DOCK1: variants seen among roughly 807,000 people sequenced by gnomAD.
DOCK1 encodes the protein dedicator of cytokinesis protein 1.
A neutral mutation model predicts 262.7 loss-of-function variants in DOCK1; 138 were observed. That is an observed-to-expected ratio of 0.53 (90% CI 0.46 to 0.61). DOCK1 has a LOEUF of 0.61. Among genes scored for constraint, DOCK1 ranks in the 20% least tolerant of loss-of-function variants. The probability of loss-of-function intolerance (pLI) is 0.00; values close to 1 mark genes in which losing one functional copy is unlikely to be tolerated. For missense variants in DOCK1, 1,908 were observed against 2,370.7 expected, an observed-to-expected ratio of 0.80 and a Z score of 4.05; for synonymous variants, 866 against 867.4, an observed-to-expected ratio of 1.00 and a Z score of 0.03.
intron 27 of DOCK1, among the ~76,000 whole-genome samples, chr10:127,141,529 C>G (rs1229508367): frequency 6.6e-6 from 1 of 152,064 alleles, no homozygotes; most frequent in Non-Finnish European, 1.5e-5. Context: ...ATGGTGAAAC[C>G]CCATCTGTAC....
At chr10:127,387,794 T>C (rs2066214295) in intron 38 of DOCK1, among the ~76,000 whole-genome samples, 1 of 151,644 alleles carries the variant, frequency 6.6e-6, no homozygotes, top group Non-Finnish European at 1.5e-5. Flanking sequence ...TCCTGACAGA[T>C]GAGAAATGCT....
chr10:126,905,523 G>T lies in DOCK1; in HGVS notation c.6G>T (p.Thr2=). Residue 2 remains threonine (T), a synonymous_variant, in exon 1 of 52, where the codon ACG becomes ACT. Coordinates refer to ENST00000623213, the MANE Select transcript of DOCK1 (RefSeq NM_001290223.2). M[T]RWVPTKREEK... is the part of the protein sequence containing the mutation. ...GCGGCGGCTCCGGCGGCGCCATGACGCGCTGGGTGCCCACCAAGCGCGAGG... is the reference window on the plus strand; with the variant it reads ...GCGGCGGCTCCGGCGGCGCCATGACTCGCTGGGTGCCCACCAAGCGCGAGG... 1 of 529,274 alleles carries T rather than the reference G, an allele frequency of 1.9e-6. No homozygotes were observed. Among genetic ancestry groups the T allele is most frequent in the Admixed American group, 3.0e-5 (1 of 33,592 alleles). The allele number at this position is 529,274 out of a possible 1,614,324, so 32.8% of individuals were successfully genotyped here.
In DOCK1 at chr10:127,399,209, G is replaced by A. The variant is rs1040739397; in HGVS notation, c.3928-3846G>A. On this transcript the variant is annotated intron_variant, in intron 38 of 51. Transcript: ENST00000623213. The stretch of plus-strand genomic sequence containing the variant: ...AAATAAAGCTTTCTGCTGATATGGG[G>A]CTTTTTCATTTGGGGCTGTGGCAAA... Among the ~76,000 whole-genome samples the A allele has an allele frequency of 9.2e-5, 14 of 152,170 alleles. No individual in the cohort carries two copies. In the East Asian group the frequency reaches 2.7e-3, roughly 29 times the overall value.
Position 127,211,392 on chromosome 10 carries a change from C to G in DOCK1, c.2848-36616C>G, listed in dbSNP as rs370979682. 9.0e-4 allele frequency among the ~76,000 whole-genome samples: 137 copies of G among 152,302 alleles called. No homozygotes were observed. In the South Asian group the frequency reaches 0.012, roughly 14 times the overall value. ...TCCTAATACCCCTGATAAGCATGCTCCTAATTCATCTACTGCCCTTAGCAA... is the reference window on the plus strand; with the variant it reads ...TCCTAATACCCCTGATAAGCATGCTGCTAATTCATCTACTGCCCTTAGCAA... On this transcript the variant is annotated intron_variant, in intron 27 of 51. Transcript: ENST00000623213.
intron 27 of DOCK1, among the ~76,000 whole-genome samples, chr10:127,236,135 A>G (rs991470244): frequency 1.1e-4 from 16 of 152,160 alleles, no homozygotes; most frequent in African/African-American, 3.6e-4. Context: ...AGTTCAATTT[A>G]TCAATTTTAA....
In DOCK1 at chr10:127,210,625, G is replaced by T. The variant is rs373315707; in HGVS notation, c.2848-37383G>T. 2.0e-5 allele frequency among the ~76,000 whole-genome samples: 3 copies of T among 152,342 alleles called. No individual in the cohort carries two copies. In the East Asian group the frequency reaches 5.8e-4, roughly 29 times the overall value. On this transcript the variant is annotated intron_variant, in intron 27 of 51. Coordinates refer to ENST00000623213, the MANE Select transcript of DOCK1 (RefSeq NM_001290223.2). ...GAGTCCTGCCTCTGAGCCACTGCCT[G>T]TTCCCTGGGTGGCTCCAGCCATGGA...
At chr10:127,149,339 G>A (rs763558273) in intron 27 of DOCK1, among the ~76,000 whole-genome samples, 13 of 152,120 alleles carry the variant, frequency 8.5e-5, no homozygotes, top group East Asian at 3.9e-4. Flanking sequence ...CTCACCTTTC[G>A]CTTGTCGTAC....
intron 1 of DOCK1, among the ~76,000 whole-genome samples, chr10:126,911,215 G>A (rs1342426165): frequency 6.6e-6 from 1 of 152,144 alleles, no homozygotes; most frequent in Non-Finnish European, 1.5e-5. Flanking sequence ...ATTTGTCACC[G>A]TCCTTATTGC....
At chr10:126,927,147 G>A (rs149663649) in intron 1 of DOCK1, among the ~76,000 whole-genome samples, 1,673 of 152,242 alleles carry the variant, frequency 0.011, 15 homozygotes, top group Admixed American at 0.021. Context: ...ATTTTGCGTC[G>A]TCTTTTTAGA....
At chr10:127,055,935 C>T (rs932884071) in intron 22 of DOCK1, among the ~76,000 whole-genome samples, 10 of 152,178 alleles carry the variant, frequency 6.6e-5, no homozygotes, top group East Asian at 1.9e-4. Context: ...AGAACATGAT[C>T]GCTCTACCTG....
chr10:127,101,676 C>T (rs2048257339), intron 23 of DOCK1, among the ~76,000 whole-genome samples: 1 of 152,210 alleles, frequency 6.6e-6, no homozygotes, highest in Admixed American at 6.5e-5. Context: ...GGTCCCGATT[C>T]ACACAGTGTC....
chr10:127,207,936 A>G (rs2057797466), intron 27 of DOCK1, among the ~76,000 whole-genome samples: 1 of 152,190 alleles, frequency 6.6e-6, no homozygotes, highest in South Asian at 2.1e-4. Context: ...TTAAGAATGA[A>G]TTGATGCGTT....
intron 51 of DOCK1, 66 bp from the exon 52 acceptor site, chr10:127,451,266 G>A: frequency 6.5e-7 from 1 of 1,527,246 alleles, no homozygotes; most frequent in South Asian, 1.2e-5. Context: ...GACCCCACCT[G>A]GAGACGGTGT....
intron 29 of DOCK1, among the ~76,000 whole-genome samples, chr10:127,283,925 A>G (rs1330797133): frequency 6.6e-6 from 1 of 152,188 alleles, no homozygotes; most frequent in Admixed American, 6.5e-5. Context: ...CTCGATACAC[A>G]TTGTCAAATT....
chr10:127,008,239 A>G (rs7077573), intron 10 of DOCK1, among the ~76,000 whole-genome samples: 3,679 of 152,160 alleles, frequency 0.024, 97 homozygotes, highest in East Asian at 0.087. Flanking sequence ...CTGGGACTAC[A>G]GGTGCACACC....
chr10:127,439,300 G>A, intron 49 of DOCK1, 75 bp downstream of exon 49: 1 of 1,454,400 alleles, frequency 6.9e-7, no homozygotes, highest in Non-Finnish European at 9.3e-7. Flanking sequence ...GTAGCCAACA[G>A]GGCTGACGGT....
chr10:126,977,793 A>G (rs758090534), intron 2 of DOCK1, among the ~76,000 whole-genome samples, 155 bp from the exon 3 acceptor site: 5 of 152,162 alleles, frequency 3.3e-5, no homozygotes, highest in Admixed American at 2.0e-4. Context: ...GAAACCACGT[A>G]GTATATCTCC....
chr10:127,196,252 C>G (rs1189742360), intron 27 of DOCK1: 1 of 148,698 alleles, frequency 6.7e-6, no homozygotes, highest in Non-Finnish European at 1.5e-5. Flanking sequence ...GCGTCGCTCG[C>G]GTCCCTCCGG....
chr10:127,322,543 A>G lies in DOCK1; in HGVS notation c.3045-16463A>G, dbSNP rs1450613573. Among the ~76,000 whole-genome samples, 8 of 152,206 alleles carry G rather than the reference A, an allele frequency of 5.3e-5. No individual in the cohort carries two copies. In the East Asian group the frequency reaches 5.8e-4, roughly 11 times the overall value. On this transcript the variant is annotated intron_variant, in intron 29 of 51. Transcript: ENST00000623213. Reference sequence around the variant, plus strand: ...TTGACAAGCTGTAACTGATGACCCAATCCAGCCCTCCATCTGTAGTGTGTA... The same window carrying G: ...TTGACAAGCTGTAACTGATGACCCAGTCCAGCCCTCCATCTGTAGTGTGTA...
Sources: gnomAD v4.1 joint callset for allele counts (sites outside exome capture counted in the v4.1 genomes callset) on GRCh38, gnomAD v4.1.1 for gene constraint, MANE v1.5 for transcripts, NCBI Gene and HGNC (gene_info 2026-07-23, HGNC 2026-07-21) for gene names.